Variants in SUCLG2 observed in about 807,000 individuals in gnomAD.
SUCLG2 encodes succinate-CoA ligase GDP-forming subunit beta.
In SUCLG2, 42 loss-of-function variants were observed where a neutral mutation model predicts 47.9. The observed-to-expected ratio is 0.88, with a 90% CI of 0.69 to 1.14. The LOEUF is 1.14. Ranked by LOEUF, SUCLG2 falls within the 50% of genes most tolerant of loss-of-function variation. SUCLG2 has a pLI of 0.00. For synonymous variants in SUCLG2, 195 were observed against 197.3 expected (o/e 0.99, Z 0.10); for missense variants, 571 against 525.9 (o/e 1.09, Z -0.84).
At chr3:67,606,919 T>C (rs145458064) in intron 2 of SUCLG2, among the ~76,000 whole-genome samples, 3 of 152,296 alleles carry the variant, frequency 2.0e-5, no homozygotes, top group Admixed American at 1.3e-4. Flanking sequence ...TGACATAACA[T>C]AGAAAGGGTC....
chr3:67,465,668 C>A (rs756770215), intron 9 of SUCLG2, among the ~76,000 whole-genome samples: 3 of 152,226 alleles, frequency 2.0e-5, no homozygotes, highest in South Asian at 4.1e-4. Context: ...CAGAGTCAGA[C>A]CTGCATCATA....
At chr3:67,630,701 G>A (rs1416342230) in intron 1 of SUCLG2, among the ~76,000 whole-genome samples, 2 of 152,172 alleles carry the variant, frequency 1.3e-5, no homozygotes, top group South Asian at 2.1e-4. Context: ...CTAGTCAATC[G>A]TCTCCTTTTC....
intron 2 of SUCLG2, among the ~76,000 whole-genome samples, chr3:67,564,856 A>T (rs1379178526): frequency 6.6e-6 from 1 of 152,230 alleles, no homozygotes; most frequent in Non-Finnish European, 1.5e-5. Flanking sequence ...GAAAGGTATC[A>T]TATTTTTAAA....
chr3:67,446,717 C>T (rs933450367), intron 9 of SUCLG2, among the ~76,000 whole-genome samples: 3 of 151,772 alleles, frequency 2.0e-5, no homozygotes, highest in African/African-American at 7.3e-5. Context: ...CAGGCGTAAG[C>T]TATTGCACCC....
intron 2 of SUCLG2, among the ~76,000 whole-genome samples, chr3:67,589,237 C>T (rs62256409): frequency 0.45 from 69,191 of 152,122 alleles, 16,794 homozygotes; most frequent in Admixed American, 0.54. Context: ...ATTTTTCCAT[C>T]ACTATCTCAC....
chr3:67,609,913 G>A (rs375522918), intron 1 of SUCLG2, among the ~76,000 whole-genome samples: 28 of 152,076 alleles, frequency 1.8e-4, no homozygotes, highest in African/African-American at 6.8e-4. Context: ...AACTACATGA[G>A]GTGTCAGCAT....
intron 2 of SUCLG2, among the ~76,000 whole-genome samples, chr3:67,564,648 A>G (rs561526311): frequency 1.3e-5 from 2 of 152,372 alleles, no homozygotes; most frequent in African/African-American, 4.8e-5. Flanking sequence ...ACAGCTTTAA[A>G]TGTGGCCCAA....
At chr3:67,601,088 T>C (rs1423890932) in intron 2 of SUCLG2, among the ~76,000 whole-genome samples, 5 of 152,186 alleles carry the variant, frequency 3.3e-5, no homozygotes, top group Non-Finnish European at 7.4e-5. Context: ...AAAAATTTAA[T>C]ATTTAGACAA....
intron 1 of SUCLG2, among the ~76,000 whole-genome samples, chr3:67,620,762 G>C (rs1425331767): frequency 6.6e-6 from 1 of 152,134 alleles, no homozygotes. Context: ...AGCAGGCTGA[G>C]AGGCCAGCAT....
At chr3:67,479,509 A>G (rs1704855404) in intron 9 of SUCLG2, among the ~76,000 whole-genome samples, 1 of 152,212 alleles carries the variant, frequency 6.6e-6, no homozygotes, top group Admixed American at 6.5e-5. Context: ...AGATCTGACC[A>G]CTGTCCTTTT....
intron 9 of SUCLG2, among the ~76,000 whole-genome samples, chr3:67,480,527 T>C (rs1045284900): frequency 6.6e-6 from 1 of 152,224 alleles, no homozygotes; most frequent in African/African-American, 2.4e-5. Context: ...AGCCCTATGA[T>C]GGCAGGAGCC....
intron 6 of SUCLG2, among the ~76,000 whole-genome samples, chr3:67,511,766 T>G (rs1479014750): frequency 1.3e-5 from 2 of 152,028 alleles, no homozygotes; most frequent in African/African-American, 4.8e-5. Flanking sequence ...ACATCTTATT[T>G]TTTTTGTGTG....
intron 9 of SUCLG2, among the ~76,000 whole-genome samples, chr3:67,464,752 CTACTT>C (rs1704428578): frequency 2.6e-5 from 4 of 152,278 alleles, no homozygotes; most frequent in Middle Eastern, 3.4e-3. Context: ...AACAGATGCC[CTACTT>C]TACTTTGTCT....
intron 1 of SUCLG2, among the ~76,000 whole-genome samples, chr3:67,641,663 T>C (rs560813663): frequency 5.4e-4 from 83 of 152,340 alleles, no homozygotes; most frequent in African/African-American, 1.9e-3. Flanking sequence ...AGTTCATTGA[T>C]GTGTGTATTA....
rs1450575519 is a variant in SUCLG2 at position 67,498,153 on chromosome 3, A to T, written c.900T>A (p.Asp300Glu). The T allele has an allele frequency of 1.9e-6, 3 of 1,612,168 alleles. No homozygotes were observed. The highest frequency in any genetic ancestry group is 2.5e-6 in the Non-Finnish European group (3 of 1,179,298). Residue 300 changes from aspartate to glutamate, a missense_variant, in exon 8 of 11, where the codon GAT becomes GAA. By Grantham distance (45) the Asp-to-Glu change is conservative. Transcript: ENST00000307227. ...AKYDLKYIGLDGNIACFVNGA... is the reference protein window; with the variant it reads ...AKYDLKYIGLEGNIACFVNGA... The stretch of plus-strand genomic sequence containing the variant: ...TCTTACCAAAGCAGGCAATGTTCCC[A>T]TCTAGTCCTATGTATTTTAGATCAT...
chr3:67,571,114 G>C (rs572886996), intron 2 of SUCLG2, among the ~76,000 whole-genome samples: 1 of 152,188 alleles, frequency 6.6e-6, no homozygotes, highest in East Asian at 1.9e-4. Flanking sequence ...TATACCACAG[G>C]ATGTAATCCT....
chr3:67,459,938 G>A (rs889496207), intron 9 of SUCLG2, among the ~76,000 whole-genome samples: 3 of 152,010 alleles, frequency 2.0e-5, no homozygotes, highest in Non-Finnish European at 4.4e-5. Flanking sequence ...AGGGAAAAGG[G>A]CTCCCTTCCC....
rs4856858 is a variant in SUCLG2, at chr3:67,383,279, A to G, written c.1184-7420T>C. ...CATCTGCTCCTTACAGCAACCTTAT[A>G]GAGTTGCCCTATTTTTATTCCATTT... On this transcript the variant is annotated intron_variant, in intron 10 of 10. Transcript: ENST00000307227. 4.8e-3 allele frequency among the ~76,000 whole-genome samples: 727 copies of G among 152,324 alleles called. 22 individuals are homozygous for G. Among genetic ancestry groups the G allele is most frequent in the Admixed American group, 0.039 (599 of 15,290 alleles).
intron 2 of SUCLG2, among the ~76,000 whole-genome samples, chr3:67,602,510 A>C (rs1252372158): frequency 6.6e-6 from 1 of 152,168 alleles, no homozygotes; most frequent in Non-Finnish European, 1.5e-5. Context: ...AGCACAGAGA[A>C]ATTCTAAGGA....
Sources: gnomAD v4.1 joint callset for allele counts (sites outside exome capture counted in the v4.1 genomes callset) on GRCh38, gnomAD v4.1.1 for gene constraint, MANE v1.5 for transcripts, NCBI Gene and HGNC (gene_info 2026-07-23, HGNC 2026-07-21) for gene names.